The following ABLIM1 variants were observed in gnomAD, a reference collection of about 807,000 sequenced individuals.
The protein encoded by ABLIM1 is actin binding LIM protein 1.
Under a neutral mutation model 107.0 loss-of-function variants are expected in ABLIM1, and 40 were observed. The observed-to-expected ratio is 0.37, with a 90% CI of 0.29 to 0.49. The LOEUF is 0.49. Ranked by LOEUF, ABLIM1 falls within the 20% of genes least tolerant of loss-of-function variation. The pLI, the probability that ABLIM1 is intolerant of heterozygous loss-of-function variation, is 0.97. For missense variants in ABLIM1, 857 were observed against 1,008.5 expected (o/e 0.85, Z 2.04); for synonymous variants, 357 against 357.3 (o/e 1.00, Z 0.01).
At chr10:114,623,400 C>T (rs1282374430) in intron 1 of ABLIM1, among the ~76,000 whole-genome samples, 2 of 152,222 alleles carry the variant, frequency 1.3e-5, no homozygotes, top group East Asian at 1.9e-4. Flanking sequence ...AGGTCTGCTT[C>T]ATTATGAAAC....
At chr10:114,702,498 A>G (rs1226062219) in intron 1 of ABLIM1, among the ~76,000 whole-genome samples, 1 of 151,612 alleles carries the variant, frequency 6.6e-6, no homozygotes, top group East Asian at 1.9e-4. Flanking sequence ...TCATGATTAT[A>G]CACTGAACAA....
At chr10:114,542,024 G>A (rs576438890) in intron 6 of ABLIM1, among the ~76,000 whole-genome samples, 1 of 152,066 alleles carries the variant, frequency 6.6e-6, no homozygotes, top group East Asian at 1.9e-4. Context: ...TGCAAACACG[G>A]CTGTCACAAA....
At chr10:114,602,756 G>A (rs913971022) in intron 1 of ABLIM1, among the ~76,000 whole-genome samples, 1 of 152,170 alleles carries the variant, frequency 6.6e-6, no homozygotes, top group African/African-American at 2.4e-5. Context: ...CACATGATGG[G>A]GCTTACAAGG....
chr10:114,592,375 A>G (rs2074980963), intron 2 of ABLIM1, among the ~76,000 whole-genome samples: 1 of 152,166 alleles, frequency 6.6e-6, no homozygotes, highest in Non-Finnish European at 1.5e-5. Context: ...ACGTTCAGGA[A>G]GGACAGCAGA....
At chr10:114,771,630 T>C (rs758615233), upstream of ABLIM1, among the ~76,000 whole-genome samples, 6 of 152,232 alleles carry the variant, frequency 3.9e-5, no homozygotes, top group Non-Finnish European at 8.8e-5. Flanking sequence ...AGTTTGTTAA[T>C]GGCTTGAATC....
At chr10:114,512,071 C>T (rs988433678) in intron 6 of ABLIM1, among the ~76,000 whole-genome samples, 1 of 152,202 alleles carries the variant, frequency 6.6e-6, no homozygotes, top group Non-Finnish European at 1.5e-5. Flanking sequence ...CTGCTTGGTA[C>T]CACTTCCTTG....
At chr10:114,520,820 A>T (rs1393873392) in intron 6 of ABLIM1, among the ~76,000 whole-genome samples, 3 of 150,178 alleles carry the variant, frequency 2.0e-5, no homozygotes, top group Non-Finnish European at 2.9e-5. Context: ...AAATAATAAT[A>T]AAAAAAAATT....
chr10:114,766,549 G>C (rs534221437), intron 1 of ABLIM1, among the ~76,000 whole-genome samples: 1 of 152,132 alleles, frequency 6.6e-6, no homozygotes, highest in Non-Finnish European at 1.5e-5. Context: ...ATGAAATTGT[G>C]TGACGGCCTA....
chr10:114,759,678 T>C (rs1005089360), intron 1 of ABLIM1, among the ~76,000 whole-genome samples: 1 of 152,108 alleles, frequency 6.6e-6, no homozygotes, highest in African/African-American at 2.4e-5. Flanking sequence ...AATTTTGAGG[T>C]AGATAATCTA....
At chr10:114,614,965 G>A (rs923543232) in intron 1 of ABLIM1, among the ~76,000 whole-genome samples, 7 of 151,292 alleles carry the variant, frequency 4.6e-5, no homozygotes, top group African/African-American at 9.7e-5. Flanking sequence ...CAGGAGAATC[G>A]CTTGAACCTG....
upstream of ABLIM1, among the ~76,000 whole-genome samples, chr10:114,770,281 AG>A (rs2142826649): frequency 6.6e-6 from 1 of 152,314 alleles, no homozygotes; most frequent in South Asian, 2.1e-4. Flanking sequence ...GGTAGATACT[AG>A]GGTTACAATG....
chr10:114,472,131 CCAAG>C (rs756294374), intron 10 of ABLIM1, among the ~76,000 whole-genome samples: 11 of 152,152 alleles, frequency 7.2e-5, no homozygotes, highest in Non-Finnish European at 1.2e-4. Context: ...AGTATTTCCC[CCAAG>C]TCTGGCCTCT....
At chr10:114,729,996 C>T (rs1032532027) in intron 1 of ABLIM1, among the ~76,000 whole-genome samples, 5 of 152,094 alleles carry the variant, frequency 3.3e-5, no homozygotes, top group East Asian at 3.8e-4. Flanking sequence ...TTCATACAAA[C>T]GGTTGTATTT....
intron 1 of ABLIM1, among the ~76,000 whole-genome samples, chr10:114,631,635 C>A (rs1012194394): frequency 6.6e-6 from 1 of 151,938 alleles, no homozygotes; most frequent in East Asian, 1.9e-4. Context: ...ACAAAAAATT[C>A]AAAATGCAAT....
At chr10:114,665,432 CAG>C (rs1203586308) in intron 1 of ABLIM1, among the ~76,000 whole-genome samples, 2 of 152,182 alleles carry the variant, frequency 1.3e-5, no homozygotes, top group African/African-American at 4.8e-5. Flanking sequence ...ACATTCCAAA[CAG>C]AGGATGCTCC....
At chr10:114,682,737 G>A (rs1005802808) in intron 1 of ABLIM1, among the ~76,000 whole-genome samples, 2 of 152,090 alleles carry the variant, frequency 1.3e-5, no homozygotes, top group Non-Finnish European at 2.9e-5. Context: ...AATATGCCAC[G>A]GAGTAGAAGG....
chr10:114,524,476 T>C (rs2497710), intron 6 of ABLIM1, among the ~76,000 whole-genome samples: 112,936 of 151,546 alleles, frequency 0.75, 42,481 homozygotes, highest in African/African-American at 0.85. Flanking sequence ...CTGGTACAGA[T>C]GGCGAAAAGA....
chr10:114,738,885 C>A (rs370202043), intron 1 of ABLIM1, among the ~76,000 whole-genome samples: 2 of 151,974 alleles, frequency 1.3e-5, no homozygotes, highest in African/African-American at 2.4e-5. Context: ...CTATTTAAGA[C>A]AAATAAGGGA....
chr10:114,792,604 C>G, the ABLIM1 span, among the ~76,000 whole-genome samples: 1 of 152,200 alleles, frequency 6.6e-6, no homozygotes, highest in Non-Finnish European at 1.5e-5. Flanking sequence ...GCTCCTTCTT[C>G]TTTCTGTGGG....
Sources: allele counts gnomAD v4.1 joint callset (sites outside exome capture counted in the v4.1 genomes callset), GRCh38; gene constraint gnomAD v4.1.1; transcripts MANE v1.5; gene names NCBI Gene and HGNC (gene_info 2026-07-23, HGNC 2026-07-21).